The following KLRG1 variants were observed in gnomAD, a reference collection of about 807,000 sequenced individuals.
KLRG1 encodes the protein killer cell lectin like receptor G1.
A neutral mutation model predicts 21.8 loss-of-function variants in KLRG1; 16 were observed. The observed-to-expected ratio is 0.73, with a 90% confidence interval of 0.50 to 1.11. KLRG1 has a LOEUF of 1.11. Among genes scored for constraint, KLRG1 ranks in the 50% most tolerant of loss-of-function variants. KLRG1 has a pLI of 0.00. For missense variants in KLRG1, 173 were observed against 218.3 expected, an observed-to-expected ratio of 0.79 and a Z score of 1.31; for synonymous variants, 69 against 75.9, an observed-to-expected ratio of 0.91 and a Z score of 0.47.
intron 1 of KLRG1, among the ~76,000 whole-genome samples, chr12:8,971,571 G>A (rs1386893264): frequency 1.6e-4 from 14 of 85,160 alleles, no homozygotes; most frequent in African/African-American, 3.3e-4. Flanking sequence ...CCACCACCCC[G>A]CCCACAACCC....
At chr12:8,957,434 T>C (rs1238888741) in intron 1 of KLRG1, among the ~76,000 whole-genome samples, 2 of 152,270 alleles carry the variant, frequency 1.3e-5, no homozygotes, top group African/African-American at 4.8e-5. Flanking sequence ...TTCTTTTCCC[T>C]TCTTCACAAT....
At chr12:9,109,240 G>T in the KLRG1 span, 77 of 1,143,330 alleles carry the variant, frequency 6.7e-5, 1 homozygote, top group African/African-American at 9.9e-4. Context: ...CACTGCTCCC[G>T]GAGAGAGTAG....
the KLRG1 span, among the ~76,000 whole-genome samples, chr12:9,063,469 G>A: frequency 3.9e-5 from 6 of 152,214 alleles, no homozygotes; most frequent in African/African-American, 7.2e-5. Flanking sequence ...ATTTCCTGTC[G>A]TGTATCTATA....
chr12:9,042,719 A>G, the KLRG1 span, among the ~76,000 whole-genome samples: 1 of 152,162 alleles, frequency 6.6e-6, no homozygotes, highest in African/African-American at 2.4e-5. Context: ...ACTGAAAGGG[A>G]GAGACAGTTG....
chr12:9,089,251 G>T, the KLRG1 span: 3 of 1,580,766 alleles, frequency 1.9e-6, 1 homozygote, highest in Middle Eastern at 3.3e-4. Flanking sequence ...AGTCCTTCAG[G>T]CTTTAGGTAA....
intron 1 of KLRG1, among the ~76,000 whole-genome samples, chr12:8,983,048 T>C (rs747022509): frequency 6.6e-6 from 1 of 152,366 alleles, no homozygotes; most frequent in Admixed American, 6.5e-5. Flanking sequence ...CAATTATTGA[T>C]AAGACTGGCT....
chr12:8,995,348 A>G, intron 3 of KLRG1, 60 bp downstream of exon 3: 1 of 1,428,806 alleles, frequency 7.0e-7, no homozygotes, highest in Non-Finnish European at 9.6e-7. Flanking sequence ...TTGTTTTTAA[A>G]CTGCTATTTA....
chr12:9,005,675 C>T (rs1264683889), intron 3 of KLRG1, among the ~76,000 whole-genome samples: 1 of 152,136 alleles, frequency 6.6e-6, no homozygotes, highest in Non-Finnish European at 1.5e-5. Context: ...CAATGGTCTC[C>T]AAGATGTTTA....
At chr12:9,143,620 C>T in the KLRG1 span, among the ~76,000 whole-genome samples, 1 of 152,098 alleles carries the variant, frequency 6.6e-6, no homozygotes, top group African/African-American at 2.4e-5. Context: ...AGGCAAGAAC[C>T]TCCTGCCATT....
chr12:8,976,088 A>C (rs979851086), intron 1 of KLRG1, among the ~76,000 whole-genome samples: 1 of 151,832 alleles, frequency 6.6e-6, no homozygotes, highest in African/African-American at 2.4e-5. Context: ...TTCTTTTTGA[A>C]TGTAGATGTT....
At chr12:9,007,890 A>G (rs1947518129) in intron 3 of KLRG1, among the ~76,000 whole-genome samples, 1 of 152,216 alleles carries the variant, frequency 6.6e-6, no homozygotes, top group South Asian at 2.1e-4. Context: ...CAACAAAATT[A>G]CCTTGGATTA....
the KLRG1 span, among the ~76,000 whole-genome samples, chr12:9,086,013 A>G: frequency 1.3e-5 from 2 of 152,214 alleles, no homozygotes; most frequent in East Asian, 1.9e-4. Context: ...AAAGTTTTCC[A>G]TTAAAGAAAA....
At chr12:9,153,100 C>T in the KLRG1 span, 9 of 1,611,848 alleles carry the variant, frequency 5.6e-6, no homozygotes, top group Non-Finnish European at 7.6e-6. Context: ...AGTTGACTCT[C>T]ACCCATATAA....
the KLRG1 span, among the ~76,000 whole-genome samples, chr12:9,117,615 C>G: frequency 6.6e-6 from 1 of 152,030 alleles, no homozygotes; most frequent in Non-Finnish European, 1.5e-5. Context: ...GACAGAAGGG[C>G]TGAGGGTTGG....
chr12:9,163,524 C>T, the KLRG1 span: 1 of 914,236 alleles, frequency 1.1e-6, no homozygotes, highest in Non-Finnish European at 1.6e-6. Flanking sequence ...ATGTTGTCTG[C>T]TGCAATGCTT....
chr12:9,150,607 G>A, the KLRG1 span: 1 of 1,355,878 alleles, frequency 7.4e-7, no homozygotes. Flanking sequence ...CCATTTCTTG[G>A]CTCTGGTTAA....
the KLRG1 span, chr12:9,068,935 C>A: frequency 1.2e-6 from 1 of 822,484 alleles, no homozygotes. Context: ...GGGGGAAAAG[C>A]TTTATTATCC....
At chr12:9,049,861 G>A in the KLRG1 span, among the ~76,000 whole-genome samples, 3 of 152,044 alleles carry the variant, frequency 2.0e-5, no homozygotes, top group Non-Finnish European at 4.4e-5. Context: ...GGTATCTGGG[G>A]CATGAATCTG....
the KLRG1 span, chr12:9,148,918 C>T: frequency 2.0e-6 from 3 of 1,479,540 alleles, no homozygotes; most frequent in East Asian, 4.5e-5. Context: ...TCCATTCCTT[C>T]TAAGTAAATG....
Sources: allele counts gnomAD v4.1 joint callset (sites outside exome capture counted in the v4.1 genomes callset), GRCh38; gene constraint gnomAD v4.1.1; transcripts MANE v1.5; gene names NCBI Gene and HGNC (gene_info 2026-07-23, HGNC 2026-07-21).